The following GAS6 variants were observed in gnomAD, a reference collection of about 807,000 sequenced individuals.
GAS6 encodes the protein growth arrest-specific protein 6.
GAS6 carries 41 observed loss-of-function variants against 75.8 expected under a neutral mutation model. The observed-to-expected ratio is 0.54, with a 90% confidence interval of 0.42 to 0.70. The LOEUF (loss-of-function observed/expected upper bound fraction) is 0.70, where lower values mean the gene tolerates loss of function less well. GAS6 is among the 30% of genes least tolerant of loss of function. The probability of loss-of-function intolerance (pLI) is 0.00; values close to 1 mark genes in which losing one functional copy is unlikely to be tolerated. For synonymous variants in GAS6, 432 were observed against 412.6 expected (o/e 1.05, Z -0.57); for missense variants, 854 against 940.2 (o/e 0.91, Z 1.20).
intron 2 of GAS6, among the ~76,000 whole-genome samples, chr13:113,861,705 T>C (rs1175968417): frequency 1.3e-5 from 2 of 152,144 alleles, no homozygotes; most frequent in East Asian, 1.9e-4. Context: ...ACCCTGCCCC[T>C]GCCCCTGCCC....
At chr13:113,850,395 G>C (rs2051864093) in intron 2 of GAS6, among the ~76,000 whole-genome samples, 1 of 152,142 alleles carries the variant, frequency 6.6e-6, no homozygotes, top group Non-Finnish European at 1.5e-5. Flanking sequence ...AACCTAGGAA[G>C]AGCAAGACCT....
chr13:113,850,320 C>T (rs899391253), intron 2 of GAS6, among the ~76,000 whole-genome samples: 1 of 152,124 alleles, frequency 6.6e-6, no homozygotes, highest in Non-Finnish European at 1.5e-5. Flanking sequence ...GCAGAGGCCA[C>T]CACTCAGGAG....
In GAS6 at chr13:113,845,555, T is replaced by C. The variant is rs1346128271; in HGVS notation, c.343+972A>G. On this transcript the variant is annotated intron_variant, in intron 4 of 14. Coordinates refer to ENST00000327773, the MANE Select transcript of GAS6 (RefSeq NM_000820.4). This position sits in a 1 kb window ranked among gnomAD's most constrained non-coding sequence, Gnocchi z 4.3. ...GGACACCCAAAACAATCAATCTTATTGCATGATAATTTTAAAATAATAAAA... is the reference window on the plus strand; with the variant it reads ...GGACACCCAAAACAATCAATCTTATCGCATGATAATTTTAAAATAATAAAA... 6.7e-6 allele frequency: 1 copy of C among 150,102 alleles called. No individual in the cohort carries two copies. Among genetic ancestry groups the C allele is most frequent in the Admixed American group, 6.6e-5 (1 of 15,218 alleles). The allele number at this position is 150,102 out of a possible 1,614,324, so 9.3% of individuals were successfully genotyped here.
In GAS6 at chr13:113,828,636, C is replaced by T. The variant is rs769290640; in HGVS notation, c.1219G>A (p.Gly407Arg). ...CCTCGCTCCGGTTGGAACAAGTCCCCGGCCACCGCGATTTTCATGACAGCA... is the reference window on the plus strand; with the variant it reads ...CCTCGCTCCGGTTGGAACAAGTCCCTGGCCACCGCGATTTTCATGACAGCA... ...RDAVMKIAVA[G>R]DLFQPERGLY... The change falls in exon 11 of 15, where the codon GGG becomes AGG. Residue 407 changes from glycine to arginine, a missense_variant. Coordinates refer to ENST00000327773, the MANE Select transcript of GAS6 (RefSeq NM_000820.4). 51 of 1,613,468 alleles carry T rather than the reference C, an allele frequency of 3.2e-5. No individual in the cohort carries two copies. Among genetic ancestry groups the T allele is most frequent in the East Asian group, 1.1e-4 (5 of 44,896 alleles).
intron 10 of GAS6, among the ~76,000 whole-genome samples, chr13:113,829,745 T>G (rs370315853): frequency 3.2e-4 from 18 of 56,868 alleles, no homozygotes; most frequent in African/African-American, 1.1e-3. Flanking sequence ...CCTCAGGGAG[T>G]CCACCTGATC....
At chr13:113,839,651 A>C (rs2051754623) in intron 5 of GAS6, 77 bp downstream of exon 5, 2 of 1,561,748 alleles carry the variant, frequency 1.3e-6, no homozygotes, top group African/African-American at 1.4e-5. Flanking sequence ...CGTGCCCCGG[A>C]GTGGGAGTGA....
Position 113,822,224 on chromosome 13 carries a change from A to G in GAS6, c.1654-38T>C, listed in dbSNP as rs146661095. On this transcript the variant is annotated intron_variant, in intron 13 of 14. Coordinates refer to ENST00000327773, the MANE Select transcript of GAS6 (RefSeq NM_000820.4). ...GAGGTGTGGTCAGGGCCTGCCGGCC[A>G]CCCCTACGTGAGCTGTTAGGTCCAA... 1,954 of 1,455,406 alleles carry G rather than the reference A, an allele frequency of 1.3e-3. 23 individuals carry two copies. The African/African-American group carries it at 0.025, about 18-fold the overall frequency. 90.2% of individuals were successfully genotyped at this position (1,455,406 alleles called of 1,614,324 possible). A position where few individuals can be genotyped will look rare whatever the true frequency, so the allele number is the denominator to read the frequency against.
rs1465453433 is a variant in GAS6 at position 113,863,033 on chromosome 13, T to C, written c.255+542A>G. 1.3e-5 allele frequency among the ~76,000 whole-genome samples: 2 copies of C among 152,132 alleles called. No individual in the cohort carries two copies. Among genetic ancestry groups the C allele is most frequent in the Non-Finnish European group, 1.5e-5 (1 of 68,022 alleles). On this transcript the variant is annotated intron_variant, in intron 2 of 14. Transcript: ENST00000327773. The surrounding 1 kb of genome is among the most constrained non-coding windows in gnomAD (Gnocchi z 9.4). Reference sequence around the variant, plus strand: ...CCGTCGGGCTCCTGAAAGCACCCGCTGCCTCCAGGAGAGCACCTGGCAGAA... The same window carrying C: ...CCGTCGGGCTCCTGAAAGCACCCGCCGCCTCCAGGAGAGCACCTGGCAGAA...
At chr13:113,821,739 C>T in intron 14 of GAS6, 1 of 538,804 alleles carries the variant, frequency 1.9e-6, no homozygotes, top group South Asian at 2.7e-5. Context: ...AATGCCGGCC[C>T]CCGTACGTGT....
chr13:113,857,548 G>C (rs927533308), intron 2 of GAS6, among the ~76,000 whole-genome samples: 7 of 152,256 alleles, frequency 4.6e-5, no homozygotes, highest in African/African-American at 1.7e-4. Context: ...TTTAACCTTA[G>C]AAAACAGGGG....
Position 113,837,073 on chromosome 13 carries a change from T to C in GAS6, c.589+996A>G, listed in dbSNP as rs1170471433. On this transcript the variant is annotated intron_variant, in intron 6 of 14. Coordinates refer to ENST00000327773, the MANE Select transcript of GAS6 (RefSeq NM_000820.4). This position sits in a 1 kb window ranked among gnomAD's most constrained non-coding sequence, Gnocchi z 5.1. ...TCATCTCTCAGGATCGGCCTAGTCTTCACCTCTCTTTAAACCTGGGGTGCT... is the reference window on the plus strand; with the variant it reads ...TCATCTCTCAGGATCGGCCTAGTCTCCACCTCTCTTTAAACCTGGGGTGCT... 6.6e-6 allele frequency among the ~76,000 whole-genome samples: 1 copy of C among 151,770 alleles called. No homozygotes were observed. The highest frequency in any genetic ancestry group is 1.5e-5 in the Non-Finnish European group (1 of 67,912).
chr13:113,839,611 G>C (rs1319213951), intron 5 of GAS6, 117 bp downstream of exon 5: 10 of 1,358,038 alleles, frequency 7.4e-6, no homozygotes, highest in Non-Finnish European at 1.0e-5. Context: ...CAGCCTCCTT[G>C]GGGCTGTCGG....
chr13:113,823,042 CT>C (rs1448046398), intron 13 of GAS6: 4 of 230,582 alleles, frequency 1.7e-5, no homozygotes, highest in Non-Finnish European at 3.4e-5. Context: ...GAGTTTGTTG[CT>C]GAAATCATCT....
At position 113,844,110 on chromosome 13, in the gene GAS6, G is replaced by A. The variant is rs945871712; in HGVS notation, c.343+2417C>T. On this transcript the variant is annotated intron_variant, in intron 4 of 14. Coordinates refer to ENST00000327773, the MANE Select transcript of GAS6 (RefSeq NM_000820.4). This position sits in a 1 kb window ranked among gnomAD's most constrained non-coding sequence, Gnocchi z 5.7. ...CCAGGCCACAGGCAGGGCAGCCTCT[G>A]AGGGCCGGCTCAGGGAGAGTGGCCG... The A allele has an allele frequency of 2.7e-5, 4 of 150,872 alleles. No homozygotes were observed. Among genetic ancestry groups the A allele is most frequent in the Admixed American group, 1.3e-4 (2 of 15,250 alleles). 9.3% of individuals were successfully genotyped at this position (150,872 alleles called of 1,614,324 possible).
chr13:113,829,140 C>T (rs2051593292), intron 10 of GAS6, among the ~76,000 whole-genome samples: 2 of 101,808 alleles, frequency 2.0e-5, no homozygotes, highest in Admixed American at 9.1e-5. Context: ...GGGTCCCGAC[C>T]TCAGGGAGAC....
At chr13:113,835,088 G>A (rs936629227) in intron 7 of GAS6, among the ~76,000 whole-genome samples, 3 of 152,358 alleles carry the variant, frequency 2.0e-5, no homozygotes, top group East Asian at 1.9e-4. Flanking sequence ...CTCTCTGTCT[G>A]CCTACTCAGC....
chr13:113,823,883 CCT>C (rs1330011429), intron 12 of GAS6, among the ~76,000 whole-genome samples: 1 of 144,528 alleles, frequency 6.9e-6, no homozygotes, highest in African/African-American at 2.9e-5. Flanking sequence ...CCTCCGATGT[CCT>C]CTTGTTTCAG....
rs2051640009 is a variant in GAS6, at chr13:113,832,402, A to G, written c.1040T>C (p.Val347Ala). 3 of 1,612,298 alleles carry G rather than the reference A, an allele frequency of 1.9e-6. No homozygotes were observed. The highest frequency in any genetic ancestry group is 2.5e-6 in the Non-Finnish European group (3 of 1,179,884). The change falls in exon 10 of 15, where the codon GTG (valine) becomes GCG (alanine). Residue 347 changes from valine to alanine, a missense_variant. Physicochemically the swap from Val to Ala is moderately conservative, Grantham distance 64 (BLOSUM62 0). Coordinates refer to ENST00000327773, the MANE Select transcript of GAS6 (RefSeq NM_000820.4). ...CAGCCGGCCGGCTCTCAGGGCCAGC[A>G]CGATCCAGGTGCTGTCCTGGTGGCC... Reference protein sequence around the residue: ...AGGHQDSTWIVLALRAGRLEL... With the variant: ...AGGHQDSTWIALALRAGRLEL...
At chr13:113,861,100 A>G (rs934641127) in intron 2 of GAS6, among the ~76,000 whole-genome samples, 5 of 152,210 alleles carry the variant, frequency 3.3e-5, no homozygotes, top group Non-Finnish European at 7.3e-5. Context: ...AGGCGCAACC[A>G]GGAAGATGCC....
Sources: allele counts gnomAD v4.1 joint callset (sites outside exome capture counted in the v4.1 genomes callset), GRCh38; gene constraint gnomAD v4.1.1; non-coding constraint Gnocchi (gnomAD v3.1); transcripts MANE v1.5; gene names NCBI Gene and HGNC (gene_info 2026-07-23, HGNC 2026-07-21).